The following MSI2 variants were observed in gnomAD, a reference collection of about 807,000 sequenced individuals.
The protein encoded by MSI2 is musashi RNA binding protein 2, also known as RNA-binding protein Musashi homolog 2.
Under a neutral mutation model 45.6 loss-of-function variants are expected in MSI2, and 17 were observed. The ratio of observed to expected loss-of-function variants is 0.37; its 90% CI spans 0.26 to 0.56. The LOEUF is 0.56. Among genes scored for constraint, MSI2 ranks in the 20% least tolerant of loss-of-function variants. The probability of loss-of-function intolerance (pLI) is 0.77; values close to 1 mark genes in which losing one functional copy is unlikely to be tolerated. For synonymous variants in MSI2, 156 were observed against 158.2 expected (o/e 0.99, Z 0.11); for missense variants, 293 against 444.2 (o/e 0.66, Z 3.06).
rs147692292 is a variant in MSI2, at chr17:57,297,300, A to G, written c.312+35108A>G. ...GTTCCAGACCATTGCAATAAAGTGA[A>G]TATTGCAGTAAAGCTAGTCAGATGA... On this transcript the variant is annotated intron_variant, in intron 5 of 13. Coordinates refer to ENST00000284073, the MANE Select transcript of MSI2 (RefSeq NM_138962.4). Among the ~76,000 whole-genome samples the G allele has an allele frequency of 2.3e-4, 35 of 152,078 alleles. No individual in the cohort carries two copies. The East Asian group carries it at 6.4e-3, about 28-fold the overall frequency.
intron 5 of MSI2, among the ~76,000 whole-genome samples, chr17:57,350,133 A>C (rs1460960448): frequency 6.6e-6 from 1 of 152,050 alleles, no homozygotes; most frequent in Non-Finnish European, 1.5e-5. Flanking sequence ...TTTAGGTTGT[A>C]ATCTTCTCAG....
intron 6 of MSI2, among the ~76,000 whole-genome samples, chr17:57,501,995 C>A (rs545004408): frequency 6.6e-6 from 1 of 152,314 alleles, no homozygotes; most frequent in South Asian, 2.1e-4. Flanking sequence ...TAGCCAGTTT[C>A]TAGGAGGGTC....
chr17:57,698,303 G>A, the MSI2 span, among the ~76,000 whole-genome samples: 2 of 152,162 alleles, frequency 1.3e-5, no homozygotes, highest in Non-Finnish European at 2.9e-5. Context: ...TGTCCCATCC[G>A]CTGTCAAGGA....
chr17:57,664,472 T>TG (rs1444237965), intron 11 of MSI2, among the ~76,000 whole-genome samples: 1 of 151,178 alleles, frequency 6.6e-6, no homozygotes, highest in African/African-American at 2.4e-5. Context: ...GAGCTGAGAG[T>TG]GCGCCACTGC....
At chr17:57,323,437 G>A (rs370619858) in intron 5 of MSI2, among the ~76,000 whole-genome samples, 12 of 152,342 alleles carry the variant, frequency 7.9e-5, no homozygotes, top group African/African-American at 2.2e-4. Flanking sequence ...AGGGAAATGC[G>A]GGGGTCCGCT....
chr17:57,661,919 T>A (rs1168179898), intron 11 of MSI2, among the ~76,000 whole-genome samples: 1 of 152,128 alleles, frequency 6.6e-6, no homozygotes, highest in Non-Finnish European at 1.5e-5. Context: ...CTCTTCCTCA[T>A]GGGTGAGCTC....
At chr17:57,376,625 A>T (rs2083501477) in intron 5 of MSI2, among the ~76,000 whole-genome samples, 1 of 152,178 alleles carries the variant, frequency 6.6e-6, no homozygotes, top group South Asian at 2.1e-4. Flanking sequence ...AGACAGCAGA[A>T]ATAAAAATCC....
At chr17:57,564,439 G>A (rs1268484651) in intron 7 of MSI2, among the ~76,000 whole-genome samples, 1 of 152,150 alleles carries the variant, frequency 6.6e-6, no homozygotes, top group Non-Finnish European at 1.5e-5. Context: ...ATGTTTCTGG[G>A]CCTCAGTGGG....
At chr17:57,541,410 G>A (rs991837951) in intron 7 of MSI2, among the ~76,000 whole-genome samples, 3 of 152,112 alleles carry the variant, frequency 2.0e-5, no homozygotes, top group African/African-American at 7.2e-5. Flanking sequence ...ATTCAGGAGA[G>A]CTCATGTGTA....
rs115789160 is a variant in MSI2, at chr17:57,605,208, C to T, written c.537+8258C>T. On this transcript the variant is annotated intron_variant, in intron 8 of 13. Coordinates refer to ENST00000284073, the MANE Select transcript of MSI2 (RefSeq NM_138962.4). ...GGAGAGGGAGAGATCCTGCCCCCCA[C>T]GCATCACACACGCAAGCGCGTGCAC... is the stretch of plus-strand genomic sequence containing the variant. Among the ~76,000 whole-genome samples the T allele has an allele frequency of 5.2e-3, 796 of 152,236 alleles. 5 individuals are homozygous for T. Among genetic ancestry groups the T allele is most frequent in the African/African-American group, 0.018 (758 of 41,534 alleles).
chr17:57,552,666 C>A lies in MSI2; in HGVS notation c.454+22942C>A, dbSNP rs1441618971. 1.3e-5 allele frequency among the ~76,000 whole-genome samples: 2 copies of A among 152,198 alleles called. No individual in the cohort carries two copies. Among genetic ancestry groups the A allele is most frequent in the Non-Finnish European group, 2.9e-5 (2 of 68,044 alleles). On this transcript the variant is annotated intron_variant, in intron 7 of 13. Transcript: ENST00000284073. The surrounding 1 kb of genome is among the most constrained non-coding windows in gnomAD (Gnocchi z 4.3). ...GTTTTTCTACAACCAGAAGGTGATTCTCTGGCTTCTGAGCTTCACCCAACC... is the reference window on the plus strand; with the variant it reads ...GTTTTTCTACAACCAGAAGGTGATTATCTGGCTTCTGAGCTTCACCCAACC...
chr17:57,512,016 CG>C (rs1321557726), intron 6 of MSI2, among the ~76,000 whole-genome samples: 3 of 152,272 alleles, frequency 2.0e-5, no homozygotes, highest in Middle Eastern at 3.4e-3. Context: ...TGTGATGAAC[CG>C]TCTCCCCCAG....
At chr17:57,540,359 T>G (rs2087016770) in intron 7 of MSI2, among the ~76,000 whole-genome samples, 1 of 152,210 alleles carries the variant, frequency 6.6e-6, no homozygotes, top group South Asian at 2.1e-4. Context: ...GTTAACACCC[T>G]AGATGGCTGC....
At chr17:57,470,671 C>A (rs890088137) in intron 6 of MSI2, among the ~76,000 whole-genome samples, 2 of 152,214 alleles carry the variant, frequency 1.3e-5, no homozygotes, top group Non-Finnish European at 2.9e-5. Flanking sequence ...ACTGTGTGCA[C>A]TGGGGCGGCA....
At chr17:57,603,872 A>G (rs75486953) in intron 8 of MSI2, among the ~76,000 whole-genome samples, 1,683 of 152,364 alleles carry the variant, frequency 0.011, 26 homozygotes, top group African/African-American at 0.038. Flanking sequence ...CAGGGGTCCA[A>G]TGAAAGGCAT....
At chr17:57,315,095 C>T (rs949636181) in intron 5 of MSI2, among the ~76,000 whole-genome samples, 3 of 152,168 alleles carry the variant, frequency 2.0e-5, no homozygotes, top group Non-Finnish European at 4.4e-5. Flanking sequence ...GGATTCAGAA[C>T]TGCTGTTTGG....
intron 5 of MSI2, among the ~76,000 whole-genome samples, chr17:57,333,315 TC>T (rs1914419617): frequency 6.6e-6 from 1 of 152,140 alleles, no homozygotes; most frequent in Non-Finnish European, 1.5e-5. Context: ...GAATTATTTT[TC>T]CCCCCTGGAA....
chr17:57,505,680 A>T (rs1171959845), intron 6 of MSI2, among the ~76,000 whole-genome samples: 1 of 152,120 alleles, frequency 6.6e-6, no homozygotes, highest in East Asian at 1.9e-4. Context: ...TTTCAGGTTA[A>T]AGCTATGCCA....
intron 6 of MSI2, among the ~76,000 whole-genome samples, chr17:57,425,996 A>C (rs2084484859): frequency 6.6e-6 from 1 of 152,140 alleles, no homozygotes; most frequent in Non-Finnish European, 1.5e-5. Context: ...AGAGTGAGGA[A>C]TCTGTTATAC....
Sources: gnomAD v4.1 joint callset for allele counts (sites outside exome capture counted in the v4.1 genomes callset) on GRCh38, gnomAD v4.1.1 for gene constraint, Gnocchi (gnomAD v3.1) non-coding constraint, MANE v1.5 for transcripts, NCBI Gene and HGNC (gene_info 2026-07-23, HGNC 2026-07-21) for gene names.